Variants in C1GALT1 observed in about 807,000 individuals in gnomAD.
C1GALT1 encodes the protein core 1 synthase, glycoprotein-N-acetylgalactosamine 3-beta-galactosyltransferase 1.
A neutral mutation model predicts 31.0 loss-of-function variants in C1GALT1; 11 were observed. The observed-to-expected ratio is 0.36, with a 90% CI of 0.22 to 0.59. The LOEUF is 0.59. C1GALT1 is among the 20% of genes least tolerant of loss of function. The pLI, the probability that C1GALT1 is intolerant of heterozygous loss-of-function variation, is 0.79. For missense variants in C1GALT1, 424 were observed against 425.2 expected, an observed-to-expected ratio of 1.00 and a Z score of 0.03; for synonymous variants, 175 against 143.6, an observed-to-expected ratio of 1.22 and a Z score of -1.56.
chr7:7,225,909 A>G (rs1033427756), intron 1 of C1GALT1, among the ~76,000 whole-genome samples: 27 of 152,188 alleles, frequency 1.8e-4, no homozygotes, highest in African/African-American at 5.5e-4. Context: ...TGGAAAGTTA[A>G]TAGACAGCTA....
At chr7:7,208,638 C>A (rs1239320529) in intron 1 of C1GALT1, among the ~76,000 whole-genome samples, 7 of 152,182 alleles carry the variant, frequency 4.6e-5, no homozygotes, top group African/African-American at 1.7e-4. Flanking sequence ...GGGCTTGCAT[C>A]AGTGGGTGGA....
At chr7:7,237,046 A>T (rs1389444642) in intron 2 of C1GALT1, among the ~76,000 whole-genome samples, 1 of 152,220 alleles carries the variant, frequency 6.6e-6, no homozygotes. Context: ...ATAACTAAAG[A>T]ATGTCTGCTT....
chr7:7,191,827 T>TTTTG (rs139230029), intron 1 of C1GALT1, among the ~76,000 whole-genome samples: 5,005 of 152,176 alleles, frequency 0.033, 185 homozygotes, highest in African/African-American at 0.091. Flanking sequence ...GGTTGATTTT[T>TTTTG]TTTGTTTGAG....
chr7:7,189,763 A>G (rs1166718108), intron 1 of C1GALT1, among the ~76,000 whole-genome samples: 1 of 152,174 alleles, frequency 6.6e-6, no homozygotes, highest in Non-Finnish European at 1.5e-5. Context: ...TCAATTCGTA[A>G]TATCAAAATG....
At chr7:7,158,522 T>G (rs1780298422) in intron 2 of C1GALT1, among the ~76,000 whole-genome samples, 1 of 151,822 alleles carries the variant, frequency 6.6e-6, no homozygotes. Context: ...AACATAGCTA[T>G]TGTAAACACT....
At chr7:7,183,343 G>A (rs1039761304) in intron 1 of C1GALT1, among the ~76,000 whole-genome samples, 2 of 152,174 alleles carry the variant, frequency 1.3e-5, no homozygotes, top group African/African-American at 4.8e-5. Context: ...CCCAGCGAGC[G>A]GGCTCCTTCC....
At chr7:7,160,271 G>C (rs1205867914) in intron 2 of C1GALT1, among the ~76,000 whole-genome samples, 3 of 151,954 alleles carry the variant, frequency 2.0e-5, no homozygotes, top group Non-Finnish European at 4.4e-5. Flanking sequence ...CTTCCATCTA[G>C]ATCTTTTTGG....
intron 1 of C1GALT1, among the ~76,000 whole-genome samples, chr7:7,185,874 A>G (rs887699878): frequency 5.9e-5 from 9 of 152,388 alleles, no homozygotes; most frequent in Non-Finnish European, 1.2e-4. Flanking sequence ...AGACTGAATC[A>G]GAGGCTATAG....
chr7:7,186,587 A>G (rs1406832210), intron 1 of C1GALT1, among the ~76,000 whole-genome samples: 1 of 152,212 alleles, frequency 6.6e-6, no homozygotes, highest in African/African-American at 2.4e-5. Context: ...AGTAAACAAG[A>G]TGAATAAGTA....
intron 1 of C1GALT1, among the ~76,000 whole-genome samples, chr7:7,219,827 T>G (rs1371198562): frequency 1.3e-5 from 2 of 152,194 alleles, no homozygotes; most frequent in Admixed American, 1.3e-4. Flanking sequence ...AAATTTTGTG[T>G]GGAATTGTAT....
intron 1 of C1GALT1, among the ~76,000 whole-genome samples, chr7:7,185,154 G>A (rs1780756425): frequency 6.6e-6 from 1 of 152,186 alleles, no homozygotes; most frequent in African/African-American, 2.4e-5. Context: ...GAAGGTGGGG[G>A]AAACTGAAAG....
rs531800832 is a variant in C1GALT1, at chr7:7,182,811, C to G, written c.-27C>G. On this transcript the variant is annotated 5_prime_UTR_variant, in exon 1 of 4. Transcript: ENST00000436587. ...CAGGAGGGGCGAGAGGGAGCCGCAG[C>G]TGATGTCAGGTATGGCCGGCGGAGG... 5.2e-5 allele frequency: 51 copies of G among 985,578 alleles called. 1 individual carries two copies. The South Asian group carries it at 2.0e-3, about 39-fold the overall frequency. 61.1% of individuals were successfully genotyped at this position (985,578 alleles called of 1,614,324 possible).
intron 1 of C1GALT1, among the ~76,000 whole-genome samples, chr7:7,207,875 T>C (rs2128237865): frequency 6.6e-6 from 1 of 152,276 alleles, no homozygotes; most frequent in East Asian, 1.9e-4. Context: ...GTCTTTTCTG[T>C]GCCTGTGCCT....
At chr7:7,229,093 C>T (rs1782941112) in intron 1 of C1GALT1, among the ~76,000 whole-genome samples, 2 of 152,186 alleles carry the variant, frequency 1.3e-5, no homozygotes, top group South Asian at 2.1e-4. Flanking sequence ...TGCAGTCCTT[C>T]CTCTTCTCAG....
At chr7:7,239,394 G>A (rs900966665) in intron 3 of C1GALT1, among the ~76,000 whole-genome samples, 4 of 152,152 alleles carry the variant, frequency 2.6e-5, no homozygotes, top group African/African-American at 9.7e-5. Flanking sequence ...AGTGTTATTA[G>A]AGAGCAAGTT....
intron 2 of C1GALT1, among the ~76,000 whole-genome samples, chr7:7,162,563 C>T (rs1780346002): frequency 1.3e-5 from 2 of 151,736 alleles, no homozygotes; most frequent in South Asian, 4.2e-4. Flanking sequence ...GTGAATAGTG[C>T]CACAATAAAC....
intron 1 of C1GALT1, among the ~76,000 whole-genome samples, chr7:7,191,195 T>A (rs1243660195): frequency 6.6e-6 from 1 of 152,142 alleles, no homozygotes; most frequent in Non-Finnish European, 1.5e-5. Context: ...TGTCTCTGAT[T>A]TTTCACTACT....
intron 1 of C1GALT1, among the ~76,000 whole-genome samples, chr7:7,224,450 G>A (rs1415859882): frequency 6.9e-6 from 1 of 144,306 alleles, no homozygotes; most frequent in Non-Finnish European, 1.5e-5. Context: ...TGGACCTGGA[G>A]ATTTTTGTGG....
At chr7:7,214,358 A>G (rs1782135979) in intron 1 of C1GALT1, among the ~76,000 whole-genome samples, 1 of 152,172 alleles carries the variant, frequency 6.6e-6, no homozygotes, top group Non-Finnish European at 1.5e-5. Context: ...TAAGAGTGGT[A>G]AGACAAAAAA....
Sources: gnomAD v4.1 joint callset for allele counts (sites outside exome capture counted in the v4.1 genomes callset) on GRCh38, gnomAD v4.1.1 for gene constraint, MANE v1.5 for transcripts, NCBI Gene and HGNC (gene_info 2026-07-23, HGNC 2026-07-21) for gene names.